Variants in ZMAT4 observed in about 807,000 individuals in gnomAD.
ZMAT4 encodes the protein zinc finger matrin-type 4, also known as zinc finger matrin-type protein 4.
A neutral mutation model predicts 28.7 loss-of-function variants in ZMAT4; 17 were observed. The ratio of observed to expected loss-of-function variants is 0.59; its 90% CI spans 0.41 to 0.89. ZMAT4 has a LOEUF of 0.89. Ranked by LOEUF, ZMAT4 falls within the 40% of genes least tolerant of loss-of-function variation. ZMAT4 has a pLI of 0.00. For synonymous variants in ZMAT4, 117 were observed against 109.2 expected (o/e 1.07, Z -0.44); for missense variants, 240 against 283.8 (o/e 0.85, Z 1.11).
intron 6 of ZMAT4, among the ~76,000 whole-genome samples, chr8:40,568,014 C>A (rs1383073971): frequency 6.6e-6 from 1 of 152,006 alleles, no homozygotes; most frequent in Non-Finnish European, 1.5e-5. Flanking sequence ...GAAAAATAAC[C>A]TTCCTAAAAT....
At chr8:40,595,185 C>T (rs1452177770) in intron 5 of ZMAT4, among the ~76,000 whole-genome samples, 4 of 152,112 alleles carry the variant, frequency 2.6e-5, no homozygotes, top group Admixed American at 6.6e-5. Flanking sequence ...ACAACCTCTG[C>T]GAACAATGCC....
At chr8:40,788,205 A>T (rs1331116389) in intron 2 of ZMAT4, among the ~76,000 whole-genome samples, 1 of 152,218 alleles carries the variant, frequency 6.6e-6, no homozygotes, top group South Asian at 2.1e-4. Flanking sequence ...AATAATAATC[A>T]GGTAATATTA....
chr8:40,551,673 C>T (rs776723997), intron 6 of ZMAT4, among the ~76,000 whole-genome samples: 4 of 152,104 alleles, frequency 2.6e-5, no homozygotes, highest in African/African-American at 4.8e-5. Context: ...CCTCTGTCGT[C>T]GAGACCAAGG....
chr8:40,746,249 CT>C, intron 3 of ZMAT4, among the ~76,000 whole-genome samples: 1 of 123,374 alleles, frequency 8.1e-6, no homozygotes, highest in African/African-American at 3.0e-5. Context: ...CCCTCCCTCC[CT>C]CCCTCCCTCC....
At chr8:40,575,112 A>C (rs2118521859) in intron 6 of ZMAT4, among the ~76,000 whole-genome samples, 1 of 152,284 alleles carries the variant, frequency 6.6e-6, no homozygotes, top group Middle Eastern at 3.4e-3. Context: ...CTCAAGGCTG[A>C]GGCTCAGAAA....
At chr8:40,706,830 G>C (rs946862035) in intron 3 of ZMAT4, among the ~76,000 whole-genome samples, 6 of 152,100 alleles carry the variant, frequency 3.9e-5, no homozygotes, top group Admixed American at 3.9e-4. Context: ...GTTTTTGTTG[G>C]ATGCTGCAGG....
intron 1 of ZMAT4, among the ~76,000 whole-genome samples, chr8:40,846,983 G>A (rs1816925243): frequency 6.6e-6 from 1 of 152,182 alleles, no homozygotes; most frequent in Non-Finnish European, 1.5e-5. Flanking sequence ...AAGGCGGGCA[G>A]ATCATTTGAG....
intron 6 of ZMAT4, among the ~76,000 whole-genome samples, chr8:40,536,146 G>A (rs1201396226): frequency 1.3e-5 from 2 of 152,132 alleles, no homozygotes; most frequent in Non-Finnish European, 2.9e-5. Flanking sequence ...TTCCAAAATT[G>A]AACATTTCCT....
intron 4 of ZMAT4, among the ~76,000 whole-genome samples, chr8:40,688,953 T>C (rs1038747967): frequency 6.6e-6 from 1 of 152,178 alleles, no homozygotes; most frequent in Non-Finnish European, 1.5e-5. Context: ...GGGATCTGAA[T>C]GTCAAAGAGG....
chr8:40,656,639 G>A (rs559478013), intron 5 of ZMAT4, among the ~76,000 whole-genome samples: 3 of 151,950 alleles, frequency 2.0e-5, no homozygotes, highest in East Asian at 3.9e-4. Context: ...CAAAATAAAT[G>A]ACCCTTAAAC....
intron 1 of ZMAT4, among the ~76,000 whole-genome samples, chr8:40,884,227 C>T (rs948985635): frequency 2.6e-5 from 4 of 150,992 alleles, no homozygotes; most frequent in Non-Finnish European, 4.4e-5. Context: ...ACGGACTCCT[C>T]TTCCCCTGAG....
chr8:40,634,951 C>A (rs1806735910), intron 5 of ZMAT4, among the ~76,000 whole-genome samples: 1 of 152,144 alleles, frequency 6.6e-6, no homozygotes, highest in Non-Finnish European at 1.5e-5. Context: ...TTAATTTGTA[C>A]ATATTTATAG....
At chr8:40,540,713 G>A (rs774488664) in intron 6 of ZMAT4, among the ~76,000 whole-genome samples, 4 of 152,190 alleles carry the variant, frequency 2.6e-5, no homozygotes, top group Non-Finnish European at 4.4e-5. Context: ...AAGTGAGGGC[G>A]GTCTTGCTGA....
chr8:40,830,115 C>G (rs549338316), intron 1 of ZMAT4, among the ~76,000 whole-genome samples: 5 of 152,188 alleles, frequency 3.3e-5, no homozygotes, highest in Admixed American at 2.0e-4. Context: ...TTCTCAAGAA[C>G]AGATTGAAGG....
At chr8:40,586,262 A>C (rs1020331678) in intron 5 of ZMAT4, among the ~76,000 whole-genome samples, 2 of 152,176 alleles carry the variant, frequency 1.3e-5, no homozygotes, top group African/African-American at 4.8e-5. Context: ...CATCTTATTA[A>C]ACCAAAAAAT....
At chr8:40,535,735 A>G (rs903069415) in intron 6 of ZMAT4, among the ~76,000 whole-genome samples, 1 of 152,176 alleles carries the variant, frequency 6.6e-6, no homozygotes, top group African/African-American at 2.4e-5. Context: ...GGAGGAAGAA[A>G]GAAGAAAGCA....
intron 4 of ZMAT4, among the ~76,000 whole-genome samples, chr8:40,692,310 T>C (rs558710026): frequency 8.5e-5 from 13 of 152,346 alleles, no homozygotes; most frequent in South Asian, 2.1e-4. Flanking sequence ...CTAAATTTGA[T>C]GTCATTACCT....
chr8:40,695,136 T>C (rs1809825076), intron 4 of ZMAT4, among the ~76,000 whole-genome samples: 1 of 152,230 alleles, frequency 6.6e-6, no homozygotes, highest in Non-Finnish European at 1.5e-5. Context: ...CAATTTCTAC[T>C]GCATTTGGGT....
At chr8:40,715,489 A>G (rs372702530) in intron 3 of ZMAT4, among the ~76,000 whole-genome samples, 325 of 152,342 alleles carry the variant, frequency 2.1e-3, no homozygotes, top group Non-Finnish European at 3.1e-3. Flanking sequence ...TGATATATAT[A>G]TACATCTGAT....
Sources: allele counts gnomAD v4.1 joint callset (sites outside exome capture counted in the v4.1 genomes callset), GRCh38; gene constraint gnomAD v4.1.1; transcripts MANE v1.5; gene names NCBI Gene and HGNC (gene_info 2026-07-23, HGNC 2026-07-21).